MCF2L: variants seen among roughly 807,000 people sequenced by gnomAD.
The protein encoded by MCF2L is guanine nucleotide exchange factor DBS.
Under a neutral mutation model 153.4 loss-of-function variants are expected in MCF2L, and 97 were observed. The ratio of observed to expected loss-of-function variants is 0.63; its 90% confidence interval spans 0.54 to 0.75. The LOEUF (loss-of-function observed/expected upper bound fraction) is 0.75, where lower values mean the gene tolerates loss of function less well. Ranked by LOEUF, MCF2L falls within the 30% of genes least tolerant of loss-of-function variation. MCF2L has a pLI of 0.00. For missense variants in MCF2L, 1,347 were observed against 1,495.2 expected (o/e 0.90, Z 1.64); for synonymous variants, 659 against 632.2 (o/e 1.04, Z -0.64).
chr13:112,978,978 C>T (rs1388135981), intron 1 of MCF2L, among the ~76,000 whole-genome samples: 1 of 152,354 alleles, frequency 6.6e-6, no homozygotes, highest in East Asian at 1.9e-4. Flanking sequence ...ATGCTGTCAC[C>T]TCTCACCCCT....
chr13:113,000,700 C>T (rs2083329302), intron 1 of MCF2L, among the ~76,000 whole-genome samples: 1 of 152,234 alleles, frequency 6.6e-6, no homozygotes, highest in African/African-American at 2.4e-5. Context: ...CAGCCACCCC[C>T]AGAAGCCGGT....
rs545105269 is a variant in MCF2L at position 113,075,354 on chromosome 13, C to G, written c.1308+165C>G. Among the ~76,000 whole-genome samples the G allele has an allele frequency of 9.2e-5, 14 of 151,596 alleles. 1 individual carries two copies. The highest frequency in any genetic ancestry group is 3.4e-3 in the Middle Eastern group (1 of 292). ...TCTTGTTGGCCTAGAGGGTCTTTTT[C>G]TAGAATTCATTTGCCACAGTTTTAT... On this transcript the variant is annotated intron_variant, in intron 11 of 29. Coordinates refer to ENST00000535094, the MANE Select transcript of MCF2L (RefSeq NM_001112732.3).
intron 1 of MCF2L, among the ~76,000 whole-genome samples, chr13:113,008,107 G>A (rs904475810): frequency 2.6e-5 from 4 of 151,954 alleles, no homozygotes; most frequent in Admixed American, 1.3e-4. Flanking sequence ...AGTAGGGAGG[G>A]GGTTTCGCCA....
chr13:113,007,761 T>C (rs1237428166), intron 1 of MCF2L, among the ~76,000 whole-genome samples: 2 of 152,176 alleles, frequency 1.3e-5, no homozygotes, highest in Non-Finnish European at 1.5e-5. Context: ...CGGCTCTGTG[T>C]CGTAAGGATC....
chr13:113,086,277 C>T (rs1361828746), intron 21 of MCF2L, 28 bp downstream of exon 21: 1 of 1,605,884 alleles, frequency 6.2e-7, no homozygotes, highest in East Asian at 2.3e-5. Flanking sequence ...CCGGTCTTCC[C>T]CGCCGCCTCC....
chr13:112,927,256 C>T (rs924899519), intron 2 of MCF2L, among the ~76,000 whole-genome samples: 2 of 152,164 alleles, frequency 1.3e-5, no homozygotes, highest in African/African-American at 4.8e-5. Flanking sequence ...AGGAATCTGT[C>T]CCAAAAGTAC....
rs576584367 is a variant in MCF2L at position 113,045,810 on chromosome 13, A to T, written c.369+449A>T. 1.3e-4 allele frequency: 25 copies of T among 196,512 alleles called. No homozygotes were observed. Among genetic ancestry groups the T allele is most frequent in the African/African-American group, 5.8e-4 (25 of 42,788 alleles). The allele number at this position is 196,512 out of a possible 1,614,324, so 12.2% of individuals were successfully genotyped here. On this transcript the variant is annotated intron_variant, in intron 4 of 29. Coordinates refer to ENST00000535094, the MANE Select transcript of MCF2L (RefSeq NM_001112732.3). The surrounding 1 kb of genome is among the most constrained non-coding windows in gnomAD (Gnocchi z 4.2). ...CACTTCCTCTTACACAAAGCACAAC[A>T]GTCCTGACCAGGCAGGACGGGGGCT...
Position 113,070,147 on chromosome 13 carries a change from C to T in MCF2L, c.970C>T (p.Arg324Trp), listed in dbSNP as rs886825193. Residue 324 changes from arginine to tryptophan, a missense_variant, in exon 9 of 30, where the codon CGG becomes TGG. Transcript: ENST00000535094. The surrounding 1 kb of genome is among the most constrained non-coding windows in gnomAD (Gnocchi z 5.6). ...GAAACTGGAGCAGTGTCTGCAGCTCCGGCACTTTGAGCAGGGCTTCCGGGA... is the reference window on the plus strand; with the variant it reads ...GAAACTGGAGCAGTGTCTGCAGCTCTGGCACTTTGAGCAGGGCTTCCGGGA... Reference protein sequence around the residue: ...QQKLEQCLQLRHFEQGFREVK... With the variant: ...QQKLEQCLQLWHFEQGFREVK... 3.7e-6 allele frequency: 6 copies of T among 1,602,894 alleles called. No homozygotes were observed. Among genetic ancestry groups the T allele is most frequent in the African/African-American group, 1.4e-5 (1 of 73,960 alleles).
intron 2 of MCF2L, chr13:112,917,181 C>T (rs750994729): frequency 2.0e-4 from 96 of 471,154 alleles, no homozygotes; most frequent in Non-Finnish European, 3.8e-4. Context: ...TCCACAGCTC[C>T]AGTCCGGACC....
At chr13:113,087,154 T>G in intron 21 of MCF2L, 81 bp from the exon 22 acceptor site, 1 of 1,242,770 alleles carries the variant, frequency 8.0e-7, no homozygotes. Flanking sequence ...CTTTGCAGAG[T>G]GGCTGCTTTC....
intron 7 of MCF2L, 109 bp from the exon 8 acceptor site, chr13:113,065,937 C>A: frequency 8.3e-7 from 1 of 1,198,810 alleles, no homozygotes; most frequent in African/African-American, 1.5e-5. Flanking sequence ...GGGATTGACC[C>A]CTTCCTCAGT....
chr13:113,090,877 G>A (rs952929228), intron 26 of MCF2L: 21 of 1,158,616 alleles, frequency 1.8e-5, no homozygotes, highest in Non-Finnish European at 2.2e-5. Flanking sequence ...CCCTAGAGAC[G>A]GGCCCCGAAA....
chr13:112,897,009 A>C (rs2081074029), intron 1 of MCF2L, among the ~76,000 whole-genome samples: 1 of 152,078 alleles, frequency 6.6e-6, no homozygotes, highest in African/African-American at 2.4e-5. Context: ...CCACCCTGAG[A>C]GGAGGCCAGG....
chr13:113,096,090 C>T (rs2035623559), intron 27 of MCF2L: 1 of 545,384 alleles, frequency 1.8e-6, no homozygotes, highest in Non-Finnish European at 3.2e-6. Flanking sequence ...GGTATGCAGG[C>T]GCAAAGGCCC....
intron 4 of MCF2L, among the ~76,000 whole-genome samples, chr13:113,055,901 C>T (rs1034828175): frequency 2.0e-5 from 3 of 152,154 alleles, no homozygotes; most frequent in South Asian, 2.1e-4. Flanking sequence ...CCCTGGGGGC[C>T]GAGGCTGGAG....
Position 112,973,208 on chromosome 13 carries a change from G to C in MCF2L, c.79+3750G>C, listed in dbSNP as rs142270027. Among the ~76,000 whole-genome samples, 301 of 152,224 alleles carry C rather than the reference G, an allele frequency of 2.0e-3. 1 individual carries two copies. Among genetic ancestry groups the C allele is most frequent in the African/African-American group, 7.1e-3 (293 of 41,512 alleles). On this transcript the variant is annotated intron_variant, in intron 1 of 29. Coordinates refer to ENST00000535094, the MANE Select transcript of MCF2L (RefSeq NM_001112732.3). ...ACTCCCCTCTCACGCCTCTGCCTTC[G>C]GCCTCAGTGATTGGCGTCTCCTCAA...
rs985398351 is a variant in MCF2L, at chr13:113,098,758, G to A, written c.*1899G>A. 3.3e-5 allele frequency: 5 copies of A among 152,266 alleles called. No individual in the cohort carries two copies. Among genetic ancestry groups the A allele is most frequent in the African/African-American group, 7.2e-5 (3 of 41,458 alleles). 9.4% of individuals were successfully genotyped at this position (152,266 alleles called of 1,614,324 possible). A position where few individuals can be genotyped will look rare whatever the true frequency, so the allele number is the denominator to read the frequency against. On this transcript the variant is annotated 3_prime_UTR_variant, in exon 30 of 30. Coordinates refer to ENST00000535094, the MANE Select transcript of MCF2L (RefSeq NM_001112732.3). ...TGACAAAATAGCAACAAGGTTGTGC[G>A]TGTCAGAAACGCAAAGGCAGCAGAG...
chr13:112,944,201 C>CCGGG (rs1181450057), intron 2 of MCF2L, among the ~76,000 whole-genome samples: 1 of 145,748 alleles, frequency 6.9e-6, no homozygotes, highest in Non-Finnish European at 1.5e-5. Flanking sequence ...GGGGAGAGTC[C>CCGGG]CGGGCCGTGA....
chr13:113,008,350 T>C (rs2083850760), intron 1 of MCF2L, among the ~76,000 whole-genome samples: 1 of 146,742 alleles, frequency 6.8e-6, no homozygotes, highest in African/African-American at 2.6e-5. Context: ...ATGTTGTGAG[T>C]GGCTGTGTCT....
Sources: allele counts gnomAD v4.1 joint callset (sites outside exome capture counted in the v4.1 genomes callset), GRCh38; gene constraint gnomAD v4.1.1; non-coding constraint Gnocchi (gnomAD v3.1); transcripts MANE v1.5; gene names NCBI Gene and HGNC (gene_info 2026-07-23, HGNC 2026-07-21).